KCNK12: variants seen among roughly 807,000 people sequenced by gnomAD.
KCNK12 encodes potassium channel subfamily K member 12.
KCNK12 carries 6 observed loss-of-function variants against 25.3 expected under a neutral mutation model. That is an observed-to-expected ratio of 0.24 (90% CI 0.13 to 0.47). The LOEUF (loss-of-function observed/expected upper bound fraction) is 0.47, where lower values mean the gene tolerates loss of function less well. Among genes scored for constraint, KCNK12 ranks in the 20% least tolerant of loss-of-function variants. The probability of loss-of-function intolerance (pLI) is 0.99; values close to 1 mark genes in which losing one functional copy is unlikely to be tolerated. For synonymous variants in KCNK12, 331 were observed against 311.1 expected (o/e 1.06, Z -0.67); for missense variants, 444 against 661.7 (o/e 0.67, Z 3.61).
chr2:47,569,029 G>C lies in KCNK12; in HGVS notation c.391+912C>G, dbSNP rs1041342158. On this transcript the variant is annotated intron_variant, in intron 1 of 1. Coordinates refer to ENST00000327876, the MANE Select transcript of KCNK12 (RefSeq NM_022055.2). This position sits in a 1 kb window ranked among gnomAD's most constrained non-coding sequence, Gnocchi z 4.1. ...AGAGGAATGAAGGGGTGGATGGAGA[G>C]CAGGGGTGGCTCCAGAATTTCTCCA... 6.6e-6 allele frequency among the ~76,000 whole-genome samples: 1 copy of C among 152,046 alleles called. No individual in the cohort carries two copies. Among genetic ancestry groups the C allele is most frequent in the African/African-American group, 2.4e-5 (1 of 41,362 alleles).
chr2:47,553,199 T>C (rs568264493), intron 1 of KCNK12, among the ~76,000 whole-genome samples: 18 of 152,352 alleles, frequency 1.2e-4, no homozygotes, highest in Admixed American at 2.0e-4. Flanking sequence ...AATTCTGCTC[T>C]TTGTTTAAAG....
chr2:47,520,274 A>C lies in KCNK12; in HGVS notation c.*633T>G, dbSNP rs1022465634. ...AACTCTGAGCTGAGAAAGGCCAGCT[A>C]AGCCCCTCACCACTGCAATTTCCAA... On this transcript the variant is annotated 3_prime_UTR_variant, in exon 2 of 2. Coordinates refer to ENST00000327876, the MANE Select transcript of KCNK12 (RefSeq NM_022055.2). The surrounding 1 kb of genome is among the most constrained non-coding windows in gnomAD (Gnocchi z 5.0). The C allele has an allele frequency of 3.9e-5, 6 of 152,338 alleles. No homozygotes were observed. Among genetic ancestry groups the C allele is most frequent in the Non-Finnish European group, 8.8e-5 (6 of 68,138 alleles). The allele number at this position is 152,338 out of a possible 1,614,324, so 9.4% of individuals were successfully genotyped here.
intron 1 of KCNK12, among the ~76,000 whole-genome samples, chr2:47,532,167 G>A (rs1558551859): frequency 6.6e-6 from 1 of 151,148 alleles, no homozygotes; most frequent in Non-Finnish European, 1.5e-5. Context: ...AGACAACATT[G>A]ACTATCCTGG....
At chr2:47,563,023 G>A (rs935707876) in intron 1 of KCNK12, 2 of 233,324 alleles carry the variant, frequency 8.6e-6, no homozygotes, top group African/African-American at 4.4e-5. Flanking sequence ...GGGTGACACA[G>A]GAATAGACCA....
rs1411198433 is a variant in KCNK12, at chr2:47,511,319, C to T, written c.*9588G>A. 6.6e-6 allele frequency among the ~76,000 whole-genome samples: 1 copy of T among 152,158 alleles called. No homozygotes were observed. Among genetic ancestry groups the T allele is most frequent in the Non-Finnish European group, 1.5e-5 (1 of 68,042 alleles). On this transcript the variant is annotated 3_prime_UTR_variant, in exon 2 of 2. Transcript: ENST00000327876. The surrounding 1 kb of genome is among the most constrained non-coding windows in gnomAD (Gnocchi z 4.3). ...TAAATGTGTGAGTTGAAGGGAGCAA[C>T]CTCATGAGGTTTTGCTTTGTGTCTT...
intron 1 of KCNK12, among the ~76,000 whole-genome samples, chr2:47,526,980 G>C (rs1387687230): frequency 6.6e-6 from 1 of 152,116 alleles, no homozygotes; most frequent in Non-Finnish European, 1.5e-5. Context: ...ACAACCTATG[G>C]GGGAGAACAG....
At chr2:47,543,862 A>G (rs1288587411) in intron 1 of KCNK12, 1 of 152,258 alleles carries the variant, frequency 6.6e-6, no homozygotes, top group African/African-American at 2.4e-5. Context: ...CCAAGGATTG[A>G]GACATCGCCC....
intron 1 of KCNK12, among the ~76,000 whole-genome samples, chr2:47,526,404 A>AG (rs1250627330): frequency 1.5e-5 from 2 of 132,148 alleles, no homozygotes; most frequent in African/African-American, 5.6e-5. Flanking sequence ...AGACTCCCTC[A>AG]GAAAAAAAAA....
At chr2:47,545,721 T>TG (rs1316494782) in intron 1 of KCNK12, among the ~76,000 whole-genome samples, 1 of 152,202 alleles carries the variant, frequency 6.6e-6, no homozygotes, top group Non-Finnish European at 1.5e-5. Flanking sequence ...CACAGGATGC[T>TG]GATGAGGATT....
At chr2:47,531,191 G>A (rs1476151340) in intron 1 of KCNK12, among the ~76,000 whole-genome samples, 3 of 152,200 alleles carry the variant, frequency 2.0e-5, no homozygotes, top group African/African-American at 7.2e-5. Flanking sequence ...AACTGGGTGG[G>A]GCCGGGCACG....
rs557325096 is a variant in KCNK12, at chr2:47,566,431, C to T, written c.391+3510G>A. On this transcript the variant is annotated intron_variant, in intron 1 of 1. Coordinates refer to ENST00000327876, the MANE Select transcript of KCNK12 (RefSeq NM_022055.2). This position sits in a 1 kb window ranked among gnomAD's most constrained non-coding sequence, Gnocchi z 4.1. ...GTGTGTGCACGTGTGTACACACACA[C>T]GTGCACACACACATACACACACTGG... 43 of 151,906 alleles carry T rather than the reference C, an allele frequency of 2.8e-4. No homozygotes were observed. The highest frequency in any genetic ancestry group is 8.7e-4 in the African/African-American group (36 of 41,414). 9.4% of individuals were successfully genotyped at this position (151,906 alleles called of 1,614,324 possible). A position where few individuals can be genotyped will look rare whatever the true frequency, so the allele number is the denominator to read the frequency against.
rs1048384122 is a variant in KCNK12 at position 47,525,408 on chromosome 2, C to T, written c.392-3600G>A. ...CACTTCCTAGCTGGCTGGGCACAGC[C>T]GCTCACAGGCCTACCCAGAGTGGAG... On this transcript the variant is annotated intron_variant, in intron 1 of 1. Transcript: ENST00000327876. The surrounding 1 kb of genome is among the most constrained non-coding windows in gnomAD (Gnocchi z 4.1). Among the ~76,000 whole-genome samples the T allele has an allele frequency of 6.6e-6, 1 of 152,174 alleles. No homozygotes were observed. The highest frequency in any genetic ancestry group is 1.5e-5 in the Non-Finnish European group (1 of 68,022).
rs774995911 is a variant in KCNK12 at position 47,548,231 on chromosome 2, C to T, written c.391+21710G>A. ...CAGGTATCTTCTTCAGTGATGATAA[C>T]ATTGCTTTAGCCAGGGTTAAGAACC... is the stretch of plus-strand genomic sequence containing the variant. On this transcript the variant is annotated intron_variant, in intron 1 of 1. Coordinates refer to ENST00000327876, the MANE Select transcript of KCNK12 (RefSeq NM_022055.2). The surrounding 1 kb of genome is among the most constrained non-coding windows in gnomAD (Gnocchi z 4.4). 1.3e-5 allele frequency among the ~76,000 whole-genome samples: 2 copies of T among 152,190 alleles called. No individual in the cohort carries two copies. Among genetic ancestry groups the T allele is most frequent in the Non-Finnish European group, 2.9e-5 (2 of 68,028 alleles).
rs776821394 is a variant in KCNK12 at position 47,516,850 on chromosome 2, A to G, written c.*4057T>C. ...TGAGACTAGCGTGGAAGGTGTAGCA[A>G]TTGTGCTCTGGGGTGCCTGAAAGTG... is the stretch of plus-strand genomic sequence containing the variant. On this transcript the variant is annotated 3_prime_UTR_variant, in exon 2 of 2. Coordinates refer to ENST00000327876, the MANE Select transcript of KCNK12 (RefSeq NM_022055.2). The G allele has an allele frequency of 6.6e-6, 1 of 152,148 alleles. No individual in the cohort carries two copies. The highest frequency in any genetic ancestry group is 1.5e-5 in the Non-Finnish European group (1 of 68,050). The allele number at this position is 152,148 out of a possible 1,614,324, so 9.4% of individuals were successfully genotyped here.
At chr2:47,537,883 A>C (rs939565032) in intron 1 of KCNK12, among the ~76,000 whole-genome samples, 1 of 152,200 alleles carries the variant, frequency 6.6e-6, no homozygotes, top group African/African-American at 2.4e-5. Context: ...GGTGCCCCAG[A>C]GCAGGTGCCA....
rs138331230 is a variant in KCNK12, at chr2:47,560,678, C to T, written c.391+9263G>A. On this transcript the variant is annotated intron_variant, in intron 1 of 1. Coordinates refer to ENST00000327876, the MANE Select transcript of KCNK12 (RefSeq NM_022055.2). The surrounding 1 kb of genome is among the most constrained non-coding windows in gnomAD (Gnocchi z 4.7). ...AATGGGATATAATTTTCTTTGCTGT[C>T]CTAGGATTTTTGGGAGCTTACTGAG... 8.5e-5 allele frequency among the ~76,000 whole-genome samples: 13 copies of T among 152,314 alleles called. No individual in the cohort carries two copies. The highest frequency in any genetic ancestry group is 2.9e-4 in the African/African-American group (12 of 41,558).
At chr2:47,526,768 TA>T (rs35494461) in intron 1 of KCNK12, among the ~76,000 whole-genome samples, 6,941 of 152,130 alleles carry the variant, frequency 0.046, 224 homozygotes, top group Middle Eastern at 0.11. Context: ...CAAAAAGACA[TA>T]AAAACTATTT....
In KCNK12 at chr2:47,557,264, G is replaced by T. The variant is rs114624755; in HGVS notation, c.391+12677C>A. ...AATGTCATCATCACTGGAGTGGGTT[G>T]GTTATTGCGGGAGTGGGCTCCTGAT... On this transcript the variant is annotated intron_variant, in intron 1 of 1. Transcript: ENST00000327876. The surrounding 1 kb of genome is among the most constrained non-coding windows in gnomAD (Gnocchi z 4.9). Among the ~76,000 whole-genome samples, 617 of 152,276 alleles carry T rather than the reference G, an allele frequency of 4.1e-3. 9 individuals carry two copies. The highest frequency in any genetic ancestry group is 0.014 in the African/African-American group (584 of 41,546).
intron 1 of KCNK12, among the ~76,000 whole-genome samples, chr2:47,546,780 T>C (rs1669323467): frequency 6.6e-6 from 1 of 152,140 alleles, no homozygotes; most frequent in Admixed American, 6.5e-5. Context: ...AAACTAGCAA[T>C]AACACAGGGA....
Sources: gnomAD v4.1 joint callset for allele counts (sites outside exome capture counted in the v4.1 genomes callset) on GRCh38, gnomAD v4.1.1 for gene constraint, Gnocchi (gnomAD v3.1) non-coding constraint, MANE v1.5 for transcripts, NCBI Gene and HGNC (gene_info 2026-07-23, HGNC 2026-07-21) for gene names.